Variants in ALMS1 observed in about 807,000 individuals in gnomAD.
ALMS1 encodes centrosome-associated protein ALMS1.
ALMS1 carries 271 observed loss-of-function variants against 352.2 expected under a neutral mutation model. The ratio of observed to expected loss-of-function variants is 0.77; its 90% CI spans 0.70 to 0.85. The LOEUF (loss-of-function observed/expected upper bound fraction) is 0.85. ALMS1 is among the 40% of genes least tolerant of loss of function. The probability of loss-of-function intolerance (pLI) is 0.00; values close to 1 mark genes in which losing one functional copy is unlikely to be tolerated. For missense variants in ALMS1, 5,445 were observed against 4,870.7 expected (o/e 1.12, Z -3.51); for synonymous variants, 1,865 against 1,761.2 (o/e 1.06, Z -1.48).
Position 73,534,843 on chromosome 2 carries a change from A to T in ALMS1, c.9801A>T (p.Pro3267=). The change falls in exon 12 of 23, where the codon CCA becomes CCT. Residue 3267 remains proline (P), a synonymous_variant. Coordinates refer to ENST00000613296, the MANE Select transcript of ALMS1 (RefSeq NM_001378454.1). ...RGTDGQPLLL[P]YKPSGSTKMY... Reference sequence around the variant, plus strand: ...CCTTAGGCCAGCCTTTATTATTGCCATATAAGCCTTCTGGTAGTACCAAGA... The same window carrying T: ...CCTTAGGCCAGCCTTTATTATTGCCTTATAAGCCTTCTGGTAGTACCAAGA... 6.2e-7 allele frequency: 1 copy of T among 1,613,630 alleles called. No individual in the cohort carries two copies.
At chr2:73,520,077 A>G (rs1203079480) in intron 11 of ALMS1, 61 bp downstream of exon 11, 4 of 1,607,480 alleles carry the variant, frequency 2.5e-6, no homozygotes, top group African/African-American at 2.7e-5. Context: ...GTTATCTTAG[A>G]AATTTGTGGT....
chr2:73,577,597 T>G (rs1256681375), intron 16 of ALMS1, among the ~76,000 whole-genome samples: 3 of 152,130 alleles, frequency 2.0e-5, no homozygotes, highest in African/African-American at 7.2e-5. Context: ...TCTGCCTTCA[T>G]TGCTTGCCAT....
intron 9 of ALMS1, among the ~76,000 whole-genome samples, chr2:73,462,332 C>T (rs1291260529): frequency 6.6e-6 from 1 of 152,100 alleles, no homozygotes; most frequent in Non-Finnish European, 1.5e-5. Context: ...ATTTTCAACC[C>T]AGAATTTCAT....
At position 73,490,088 on chromosome 2, in the gene ALMS1, A is replaced by T; in HGVS notation, c.8129A>T (p.Lys2710Met). Residue 2710 changes from lysine (K) to methionine (M), a missense_variant, in exon 10 of 23, where the codon AAG becomes ATG. Physicochemically the swap from Lys to Met is moderately conservative, Grantham distance 95 (BLOSUM62 -1). Transcript: ENST00000613296. The stretch of plus-strand genomic sequence containing the variant: ...ATGCCGTCCCCAGAACCCATGAAAA[A>T]GTTTACTACCTCCATCACTTTTTCA... ...SQMPSPEPMK[K>M]FTTSITFSSH... is the part of the protein sequence containing the mutation. 1 of 1,614,202 alleles carries T rather than the reference A, an allele frequency of 6.2e-7. No homozygotes were observed. Among genetic ancestry groups the T allele is most frequent in the South Asian group, 1.1e-5 (1 of 91,080 alleles).
chr2:73,453,988 G>A lies in ALMS1; in HGVS notation c.7461G>A (p.Leu2487=), dbSNP rs1291845549. The change falls in exon 8 of 23, where the codon CTG becomes CTA. Residue 2487 remains leucine, a synonymous_variant. Transcript: ENST00000613296. ...TGGCTGCACATGTGAAAAACCTTCT[G>A]CAATGTGAATCCTCACTGAATCATG... ...DSLAAHVKNL[L]QCESSLNHAK... is the part of the protein sequence containing the mutation. 6.2e-7 allele frequency: 1 copy of A among 1,613,868 alleles called. No homozygotes were observed. Among genetic ancestry groups the A allele is most frequent in the Admixed American group, 1.7e-5 (1 of 59,956 alleles).
intron 1 of ALMS1, among the ~76,000 whole-genome samples, chr2:73,392,977 A>G (rs946844809): frequency 3.9e-5 from 6 of 152,278 alleles, no homozygotes; most frequent in Admixed American, 3.9e-4. Flanking sequence ...GTTTCTCCAC[A>G]TCCTTATCAG....
At chr2:73,475,268 T>TA (rs1672559737) in intron 9 of ALMS1, among the ~76,000 whole-genome samples, 1 of 152,134 alleles carries the variant, frequency 6.6e-6, no homozygotes, top group Admixed American at 6.6e-5. Context: ...TACTGGGACA[T>TA]ACAGTAACTC....
chr2:73,602,777 G>A (rs1207667285), intron 20 of ALMS1, among the ~76,000 whole-genome samples: 1 of 152,144 alleles, frequency 6.6e-6, no homozygotes, highest in Non-Finnish European at 1.5e-5. Context: ...ACTCTCAGTA[G>A]GTACTATTAA....
chr2:73,558,894 A>G, intron 14 of ALMS1, 78 bp from the exon 15 acceptor site: 1 of 1,453,994 alleles, frequency 6.9e-7, no homozygotes, highest in Non-Finnish European at 9.5e-7. Context: ...CCTTTCACAT[A>G]ATACGTACTT....
chr2:73,580,323 T>C (rs1675147920), intron 16 of ALMS1, among the ~76,000 whole-genome samples: 1 of 152,222 alleles, frequency 6.6e-6, no homozygotes, highest in Non-Finnish European at 1.5e-5. Flanking sequence ...CACTGATCTT[T>C]CATCTGTGTG....
chr2:73,605,995 T>C (rs1221303145), intron 21 of ALMS1, among the ~76,000 whole-genome samples: 3 of 152,180 alleles, frequency 2.0e-5, no homozygotes, highest in African/African-American at 7.2e-5. Context: ...TTTTTTAATG[T>C]ATACTTTAAC....
At chr2:73,475,767 T>C (rs192499280) in intron 9 of ALMS1, among the ~76,000 whole-genome samples, 7 of 152,258 alleles carry the variant, frequency 4.6e-5, no homozygotes, top group Admixed American at 2.0e-4. Context: ...TGGTGACATA[T>C]CTAAGAAATC....
At position 73,426,498 on chromosome 2, in the gene ALMS1, G is replaced by A. The variant is rs764312032; in HGVS notation, c.1283G>A (p.Gly428Asp). The A allele has an allele frequency of 3.7e-6, 6 of 1,613,972 alleles. No homozygotes were observed. Among genetic ancestry groups the A allele is most frequent in the Non-Finnish European group, 5.1e-6 (6 of 1,179,964 alleles). Residue 428 changes from glycine to aspartate, a missense_variant, in exon 6 of 23, where the codon GGC becomes GAC. Coordinates refer to ENST00000613296, the MANE Select transcript of ALMS1 (RefSeq NM_001378454.1). Reference protein sequence around the residue: ...KVESDVITLDGLNENAVVCSE... With the variant: ...KVESDVITLDDLNENAVVCSE... ...GAGTCTGACGTCATTACTCTGGATG[G>A]CCTAAATGAAAATGCTGTTGTATGC...
At chr2:73,536,392 C>T (rs185965405) in intron 12 of ALMS1, among the ~76,000 whole-genome samples, 2 of 152,006 alleles carry the variant, frequency 1.3e-5, no homozygotes, top group African/African-American at 2.4e-5. Flanking sequence ...AGGACTGGCA[C>T]ACTGTATCCT....
intron 11 of ALMS1, among the ~76,000 whole-genome samples, chr2:73,525,496 G>A (rs1673772054): frequency 6.6e-6 from 1 of 152,180 alleles, no homozygotes. Flanking sequence ...GTATCTCATT[G>A]TAGTTTTGCT....
chr2:73,556,119 C>G (rs1007271980), intron 13 of ALMS1, among the ~76,000 whole-genome samples: 4 of 152,100 alleles, frequency 2.6e-5, no homozygotes, highest in Non-Finnish European at 4.4e-5. Flanking sequence ...TTCTTAAGCT[C>G]TATGGTAAAT....
intron 9 of ALMS1, 33 bp from the exon 10 acceptor site, chr2:73,489,601 T>A: frequency 6.2e-7 from 1 of 1,613,356 alleles, no homozygotes; most frequent in East Asian, 2.2e-5. Context: ...TTGGACTACT[T>A]CAAATAAGAA....
chr2:73,426,661 A>T, intron 6 of ALMS1, 108 bp downstream of exon 6: 1 of 1,115,266 alleles, frequency 9.0e-7, no homozygotes, highest in Non-Finnish European at 1.3e-6. Flanking sequence ...TCCTGGGTAC[A>T]TGACCAATGT....
chr2:73,429,278 C>CT (rs5832107), intron 6 of ALMS1, among the ~76,000 whole-genome samples: 1,632 of 102,666 alleles, frequency 0.016, 29 homozygotes, highest in East Asian at 0.023. Context: ...AATTAATATG[C>CT]TTTTTTTTTT....
Sources: allele counts gnomAD v4.1 joint callset (sites outside exome capture counted in the v4.1 genomes callset), GRCh38; gene constraint gnomAD v4.1.1; transcripts MANE v1.5; gene names NCBI Gene and HGNC (gene_info 2026-07-23, HGNC 2026-07-21).